The following TLX1 variants were observed in gnomAD, a reference collection of about 807,000 sequenced individuals.
The protein encoded by TLX1 is T-cell leukemia homeobox protein 1.
A neutral mutation model predicts 26.5 loss-of-function variants in TLX1; 6 were observed. That is an observed-to-expected ratio of 0.23 (90% confidence interval 0.12 to 0.45). TLX1 has a LOEUF of 0.45. Ranked by LOEUF, TLX1 falls within the 20% of genes least tolerant of loss-of-function variation. The pLI, the probability that TLX1 is intolerant of heterozygous loss-of-function variation, is 0.99. For synonymous variants in TLX1, 217 were observed against 219.7 expected (o/e 0.99, Z 0.11); for missense variants, 418 against 482.6 (o/e 0.87, Z 1.25).
In TLX1 at chr10:101,136,794, C is replaced by T; in HGVS notation, c.874C>T (p.Pro292Ser). Residue 292 changes from proline to serine, a missense_variant, in exon 3 of 3, where the codon CCC becomes TCC. Transcript: ENST00000370196. Reference protein sequence around the residue: ...AFQKSLAQPLPADPLCVHNSS... With the variant: ...AFQKSLAQPLSADPLCVHNSS... ...CCAGAAGAGCCTGGCACAGCCGCTGCCCGCTGACCCTCTGTGCGTGCACAA... is the reference window on the plus strand; with the variant it reads ...CCAGAAGAGCCTGGCACAGCCGCTGTCCGCTGACCCTCTGTGCGTGCACAA... 3 of 1,613,552 alleles carry T rather than the reference C, an allele frequency of 1.9e-6. 1 individual carries two copies. The South Asian group carries it at 3.3e-5, about 18-fold the overall frequency.
Position 101,136,952 on chromosome 10 carries a change from A to C in TLX1, c.*39A>C. The stretch of plus-strand genomic sequence containing the variant: ...GCCCTGTGGGACCCCAGGCCCACTC[A>C]GGGGTCACTGAGGCCTGAGACCCAG... On this transcript the variant is annotated 3_prime_UTR_variant, in exon 3 of 3. Transcript: ENST00000370196. The C allele has an allele frequency of 6.2e-7, 1 of 1,605,900 alleles. No individual in the cohort carries two copies. The highest frequency in any genetic ancestry group is 8.5e-7 in the Non-Finnish European group (1 of 1,174,754).
At chr10:101,133,339 G>C (rs1940220260) in intron 1 of TLX1, among the ~76,000 whole-genome samples, 1 of 152,228 alleles carries the variant, frequency 6.6e-6, no homozygotes, top group Admixed American at 6.5e-5. Flanking sequence ...CGGCAGAAGT[G>C]GTGTGGAGGC....
At chr10:101,134,072 G>C in intron 1 of TLX1, 103 bp from the exon 2 acceptor site, 1 of 1,135,586 alleles carries the variant, frequency 8.8e-7, no homozygotes, top group Non-Finnish European at 1.2e-6. Context: ...CTCGCGGGGT[G>C]TTGGGCCTGG....
In TLX1 at chr10:101,137,069, A is replaced by C. The variant is rs1343813363; in HGVS notation, c.*156A>C. 1.0e-6 allele frequency: 1 copy of C among 983,424 alleles called. No homozygotes were observed. The highest frequency in any genetic ancestry group is 1.6e-5 in the African/African-American group (1 of 61,100). 60.9% of individuals were successfully genotyped at this position (983,424 alleles called of 1,614,324 possible). On this transcript the variant is annotated 3_prime_UTR_variant, in exon 3 of 3. Coordinates refer to ENST00000370196, the MANE Select transcript of TLX1 (RefSeq NM_005521.4). ...GAAGGGCCCCCACATTTGTGCCGAC[A>C]CTGTTCTCCCTTCGGTGGAAGAGCT...
intron 2 of TLX1, among the ~76,000 whole-genome samples, chr10:101,135,080 A>G (rs1940264720): frequency 1.3e-5 from 2 of 152,206 alleles, no homozygotes; most frequent in South Asian, 4.1e-4. Flanking sequence ...GTTTTTTCAC[A>G]TTTACGCTCA....
intron 2 of TLX1, among the ~76,000 whole-genome samples, chr10:101,134,891 C>A (rs1319345952): frequency 6.6e-6 from 1 of 152,234 alleles, no homozygotes; most frequent in South Asian, 2.1e-4. Context: ...CCGGCCTTTG[C>A]GCAGCCGGTC....
Position 101,131,531 on chromosome 10 carries a change from C to G in TLX1, c.-11C>G. 1 of 1,463,058 alleles carries G rather than the reference C, an allele frequency of 6.8e-7. No individual in the cohort carries two copies. Among genetic ancestry groups the G allele is most frequent in the Admixed American group, 2.7e-5 (1 of 37,070 alleles). The allele number at this position is 1,463,058 out of a possible 1,614,324, so 90.6% of individuals were successfully genotyped here. On this transcript the variant is annotated 5_prime_UTR_variant, in exon 1 of 3. Coordinates refer to ENST00000370196, the MANE Select transcript of TLX1 (RefSeq NM_005521.4). The stretch of plus-strand genomic sequence containing the variant: ...CCGCCGCCCGGGCCCCCCGGTGGGG[C>G]CAGGGCCAGCATGGAGCACCTGGGT...
chr10:101,133,324 G>T (rs1366924817), intron 1 of TLX1, among the ~76,000 whole-genome samples: 1 of 152,266 alleles, frequency 6.6e-6, no homozygotes, highest in East Asian at 1.9e-4. Context: ...CAGACTCTGG[G>T]GCCACGGCAG....
At chr10:101,134,859 G>T (rs1333899755) in intron 2 of TLX1, among the ~76,000 whole-genome samples, 1 of 152,244 alleles carries the variant, frequency 6.6e-6, no homozygotes, top group East Asian at 1.9e-4. Flanking sequence ...CGGCCCTGCT[G>T]ACGGTCTCCT....
At position 101,131,743 on chromosome 10, in the gene TLX1, G is replaced by T; in HGVS notation, c.202G>T (p.Ala68Ser). ...GGGGSAAATG[A>S]GGAGAYGTGG... ...CGGGGGCTCCGCGGCCGCGACGGGG[G>T]CTGGAGGAGCGGGGGCCTATGGTAC... The change falls in exon 1 of 3, where the codon GCT becomes TCT. Residue 68 changes from alanine to serine, a missense_variant. Ala to Ser is a moderately conservative substitution (Grantham distance 99). Transcript: ENST00000370196. 1 of 1,428,182 alleles carries T rather than the reference G, an allele frequency of 7.0e-7. No homozygotes were observed. Among genetic ancestry groups the T allele is most frequent in the Non-Finnish European group, 9.1e-7 (1 of 1,096,904 alleles). 88.5% of individuals were successfully genotyped at this position (1,428,182 alleles called of 1,614,324 possible).
intron 2 of TLX1, 134 bp downstream of exon 2, chr10:101,134,510 C>A: frequency 9.4e-7 from 1 of 1,065,478 alleles, no homozygotes; most frequent in Non-Finnish European, 1.3e-6. Flanking sequence ...CGAGCTCCCG[C>A]TAGGCTTGCG....
Position 101,131,874 on chromosome 10 carries a change from C to CGGT in TLX1, c.334_336dup (p.Gly112dup). ...TGAACATGGCCTTGGCAGGCGGCCC[C>CGGT]GGTCCTGGCGGCGGCGGCGGCAGCA... On this transcript the variant is annotated inframe_insertion, in exon 1 of 3. Coordinates refer to ENST00000370196, the MANE Select transcript of TLX1 (RefSeq NM_005521.4). 1 of 1,402,636 alleles carries CGGT rather than the reference C, an allele frequency of 7.1e-7. No individual in the cohort carries two copies. The highest frequency in any genetic ancestry group is 9.2e-7 in the Non-Finnish European group (1 of 1,085,550). The allele number at this position is 1,402,636 out of a possible 1,614,324, so 86.9% of individuals were successfully genotyped here.
At position 101,131,979 on chromosome 10, in the gene TLX1, C is replaced by T. The variant is rs747350090; in HGVS notation, c.438C>T (p.His146=). 5 of 1,519,392 alleles carry T rather than the reference C, an allele frequency of 3.3e-6. No individual in the cohort carries two copies. The African/African-American group carries it at 4.3e-5, about 13-fold the overall frequency. 94.1% of individuals were successfully genotyped at this position (1,519,392 alleles called of 1,614,324 possible). Residue 146 remains histidine, a synonymous_variant, in exon 1 of 3, where the codon CAC becomes CAT. Transcript: ENST00000370196. ...AHRPLAGAVA[H]PQPLATGLPT... The stretch of plus-strand genomic sequence containing the variant: ...GGCCGCTCGCCGGAGCCGTGGCCCA[C>T]CCCCAGCCCCTGGCCACCGGCTTGC...
In TLX1 at chr10:101,132,053, G is replaced by A. The variant is rs914505262; in HGVS notation, c.512G>A (p.Gly171Asp). 6.7e-7 allele frequency: 1 copy of A among 1,498,004 alleles called. No individual in the cohort carries two copies. Among genetic ancestry groups the A allele is most frequent in the Non-Finnish European group, 8.8e-7 (1 of 1,131,138 alleles). 92.8% of individuals were successfully genotyped at this position (1,498,004 alleles called of 1,614,324 possible). The change falls in exon 1 of 3, where the codon GGC becomes GAC. Residue 171 changes from glycine (G) to aspartate (D), a missense_variant. By Grantham distance (94) the Gly-to-Asp change is moderately conservative. Coordinates refer to ENST00000370196, the MANE Select transcript of TLX1 (RefSeq NM_005521.4). This position sits in a 1 kb window ranked among gnomAD's most constrained non-coding sequence, Gnocchi z 4.1. ...ATGCCGGGCGTCAACAACCTCACTG[G>A]CCTCACCTTCCCCTGGATGGAGAGT... ...PAMPGVNNLT[G>D]LTFPWMESNR...
Position 101,131,894 on chromosome 10 carries a change from G to A in TLX1, c.353G>A (p.Gly118Asp). The change falls in exon 1 of 3, where the codon GGC becomes GAC. Residue 118 changes from glycine (G) to aspartate (D), a missense_variant. Around this residue, in one of 3 missense-constraint regions of TLX1, gnomAD observed 322 missense variants for 344.6 expected, o/e 0.93. Coordinates refer to ENST00000370196, the MANE Select transcript of TLX1 (RefSeq NM_005521.4). Reference protein sequence around the residue: ...AGGPGPGGGGGSSGGAGALSA... With the variant: ...AGGPGPGGGGDSSGGAGALSA... ...GGCCCCGGTCCTGGCGGCGGCGGCG[G>A]CAGCAGCGGCGGTGCCGGGGCACTC... is the stretch of plus-strand genomic sequence containing the variant. 1 of 1,394,884 alleles carries A rather than the reference G, an allele frequency of 7.2e-7. No individual in the cohort carries two copies. Among genetic ancestry groups the A allele is most frequent in the Non-Finnish European group, 9.2e-7 (1 of 1,082,902 alleles). 86.4% of individuals were successfully genotyped at this position (1,394,884 alleles called of 1,614,324 possible).
chr10:101,132,006 C>T lies in TLX1; in HGVS notation c.465C>T (p.Pro155=), dbSNP rs1191910180. 2 of 1,525,580 alleles carry T rather than the reference C, an allele frequency of 1.3e-6. No homozygotes were observed. The highest frequency in any genetic ancestry group is 1.2e-5 in the South Asian group (1 of 81,990). 94.5% of individuals were successfully genotyped at this position (1,525,580 alleles called of 1,614,324 possible). The change falls in exon 1 of 3, where the codon CCC becomes CCT. Residue 155 remains proline, a synonymous_variant. Coordinates refer to ENST00000370196, the MANE Select transcript of TLX1 (RefSeq NM_005521.4). The surrounding 1 kb of genome is among the most constrained non-coding windows in gnomAD (Gnocchi z 4.1). ...CCCAGCCCCTGGCCACCGGCTTGCC[C>T]ACCGTGCCCTCTGTGCCTGCCATGC... The part of the protein sequence containing the change: ...AHPQPLATGL[P]TVPSVPAMPG...
chr10:101,133,142 C>CT (rs1429482909), intron 1 of TLX1: 1 of 152,536 alleles, frequency 6.6e-6, no homozygotes, highest in African/African-American at 2.4e-5. Context: ...ATGGGGCCTC[C>CT]TGGGGGTCCC....
In TLX1 at chr10:101,137,352, G is replaced by C. The variant is rs1449672015; in HGVS notation, c.*439G>C. ...AGGCCCACACACAGGTGGTGTCACT[G>C]TCCCTCCTGGTGTCACCCCAGAGCC... is the stretch of plus-strand genomic sequence containing the variant. On this transcript the variant is annotated 3_prime_UTR_variant, in exon 3 of 3. Transcript: ENST00000370196. 7.1e-6 allele frequency: 2 copies of C among 282,322 alleles called. No homozygotes were observed. The highest frequency in any genetic ancestry group is 1.4e-5 in the Non-Finnish European group (2 of 147,954). 17.5% of individuals were successfully genotyped at this position (282,322 alleles called of 1,614,324 possible). A position where few individuals can be genotyped will look rare whatever the true frequency, so the allele number is the denominator to read the frequency against.
rs763555485 is a variant in TLX1 at position 101,136,826 on chromosome 10, G to A, written c.906G>A (p.Ser302=). 9.3e-6 allele frequency: 15 copies of A among 1,613,578 alleles called. No individual in the cohort carries two copies. The highest frequency in any genetic ancestry group is 2.7e-5 in the African/African-American group (2 of 74,928). ...ACCCTCTGTGCGTGCACAACTCGTC[G>A]CTCTTCGCCCTGCAGAATCTGCAGC... is the stretch of plus-strand genomic sequence containing the variant. ...PADPLCVHNS[S]LFALQNLQPW... Residue 302 remains serine, a synonymous_variant, in exon 3 of 3, where the codon TCG becomes TCA. Transcript: ENST00000370196.
Sources: allele counts gnomAD v4.1 joint callset (sites outside exome capture counted in the v4.1 genomes callset), GRCh38; gene constraint gnomAD v4.1.1; regional missense constraint gnomAD v4.1.1; non-coding constraint Gnocchi (gnomAD v3.1); transcripts MANE v1.5; gene names NCBI Gene and HGNC (gene_info 2026-07-23, HGNC 2026-07-21).